Variants in DSCAM observed in about 807,000 individuals in gnomAD.
The protein encoded by DSCAM is DS cell adhesion molecule.
A neutral mutation model predicts 217.7 loss-of-function variants in DSCAM; 47 were observed. The ratio of observed to expected loss-of-function variants is 0.22; its 90% CI spans 0.17 to 0.28. The LOEUF (loss-of-function observed/expected upper bound fraction) is 0.28. DSCAM is among the 10% of genes least tolerant of loss of function. The pLI is 1.00. For missense variants in DSCAM, 2,080 were observed against 2,618.3 expected (o/e 0.79, Z 4.49); for synonymous variants, 1,056 against 1,015.3 (o/e 1.04, Z -0.76).
chr21:40,480,220 T>A (rs1789533721), intron 3 of DSCAM, among the ~76,000 whole-genome samples: 2 of 152,208 alleles, frequency 1.3e-5, no homozygotes, highest in Admixed American at 1.3e-4. Flanking sequence ...AGGCTCCTTT[T>A]AGAAATCTAT....
chr21:40,272,356 G>A (rs2073629989), intron 11 of DSCAM, among the ~76,000 whole-genome samples: 1 of 151,812 alleles, frequency 6.6e-6, no homozygotes, highest in Admixed American at 6.6e-5. Context: ...CCCCAACAGA[G>A]CTGGAAAGAT....
rs558038737 is a variant in DSCAM, at chr21:40,437,023, A to G, written c.509-67778T>C. ...AAATAGTGTGTTACACTTACTGCAG[A>G]TATGCCACATACCTATAATCAGATG... On this transcript the variant is annotated intron_variant, in intron 3 of 32. Transcript: ENST00000400454. Among the ~76,000 whole-genome samples, 3 of 152,332 alleles carry G rather than the reference A, an allele frequency of 2.0e-5. No individual in the cohort carries two copies. In the East Asian group the frequency reaches 5.8e-4, roughly 29 times the overall value.
Position 40,577,277 on chromosome 21 carries a change from G to C in DSCAM, c.508+115533C>G, listed in dbSNP as rs552258254. On this transcript the variant is annotated intron_variant, in intron 3 of 32. Transcript: ENST00000400454. Reference sequence around the variant, plus strand: ...AAAAAAGAGTCCTTTATTAGCCGGCGACCAGGCCGCTTCCCTCTTACCAGA... The same window carrying C: ...AAAAAAGAGTCCTTTATTAGCCGGCCACCAGGCCGCTTCCCTCTTACCAGA... Among the ~76,000 whole-genome samples the C allele has an allele frequency of 4.0e-5, 6 of 148,936 alleles. No homozygotes were observed. The South Asian group carries it at 8.6e-4, about 21-fold the overall frequency.
intron 11 of DSCAM, among the ~76,000 whole-genome samples, chr21:40,203,374 C>T (rs1292865641): frequency 6.6e-6 from 1 of 152,248 alleles, no homozygotes; most frequent in Non-Finnish European, 1.5e-5. Flanking sequence ...CACCTGGGAA[C>T]ATGCTAGAAA....
intron 1 of DSCAM, among the ~76,000 whole-genome samples, chr21:40,757,217 G>A (rs2091285643): frequency 6.6e-6 from 1 of 151,744 alleles, no homozygotes; most frequent in Admixed American, 6.6e-5. Flanking sequence ...AGTAGAGACG[G>A]GGTTTCACCA....
intron 1 of DSCAM, among the ~76,000 whole-genome samples, chr21:40,737,571 G>A (rs541117987): frequency 9.2e-5 from 14 of 152,290 alleles, no homozygotes; most frequent in Admixed American, 5.9e-4. Flanking sequence ...AACCAAGGGG[G>A]CAAAGGTTGC....
At chr21:40,636,800 A>C in intron 3 of DSCAM, among the ~76,000 whole-genome samples, 2 of 138,744 alleles carry the variant, frequency 1.4e-5, no homozygotes, top group Admixed American at 7.6e-5. Flanking sequence ...TTCAACAACC[A>C]CTCCATAGCT....
At chr21:40,559,784 G>GGCTT (rs1568904855) in intron 3 of DSCAM, among the ~76,000 whole-genome samples, 3 of 105,572 alleles carry the variant, frequency 2.8e-5, no homozygotes, top group East Asian at 4.1e-4. Flanking sequence ...AAAATTTTCT[G>GGCTT]TCTTTTTTTT....
Position 40,634,857 on chromosome 21 carries a change from TA to T in DSCAM, c.508+57952del, listed in dbSNP as rs1601808392. Among the ~76,000 whole-genome samples the T allele has an allele frequency of 3.9e-5, 6 of 152,290 alleles. No individual in the cohort carries two copies. In the East Asian group the frequency reaches 1.2e-3, roughly 29 times the overall value. On this transcript the variant is annotated intron_variant, in intron 3 of 32. Coordinates refer to ENST00000400454, the MANE Select transcript of DSCAM (RefSeq NM_001389.5). ...TCACCAACCATCCTGTTTAAAGCAT[TA>T]AACAGCCTCAACCTACTATCACCCT...
intron 3 of DSCAM, among the ~76,000 whole-genome samples, chr21:40,396,407 T>A (rs141736700): frequency 6.6e-6 from 1 of 152,260 alleles, no homozygotes; most frequent in East Asian, 1.9e-4. Flanking sequence ...TCTACTGTAA[T>A]GGGAACGGTT....
At chr21:40,827,424 G>C (rs1306238540) in intron 1 of DSCAM, among the ~76,000 whole-genome samples, 2 of 145,004 alleles carry the variant, frequency 1.4e-5, no homozygotes, top group African/African-American at 5.1e-5. Flanking sequence ...AACTGTGATT[G>C]TGCCACTGCA....
chr21:40,598,372 G>A (rs1383283637), intron 3 of DSCAM, among the ~76,000 whole-genome samples: 2 of 151,888 alleles, frequency 1.3e-5, no homozygotes, highest in Non-Finnish European at 2.9e-5. Flanking sequence ...GTTGCCTTTA[G>A]TAAACATTCA....
chr21:40,036,213 T>C (rs1166610400), intron 32 of DSCAM, among the ~76,000 whole-genome samples: 2 of 147,086 alleles, frequency 1.4e-5, no homozygotes, highest in African/African-American at 5.3e-5. Context: ...TTCAAAAAAT[T>C]AATGAATCCA....
intron 10 of DSCAM, among the ~76,000 whole-genome samples, chr21:40,283,451 A>C (rs1216076442): frequency 6.6e-6 from 1 of 152,224 alleles, no homozygotes; most frequent in Non-Finnish European, 1.5e-5. Flanking sequence ...CACCTTTCTT[A>C]TTTATTGCAA....
chr21:40,647,092 C>T (rs2089957006), intron 3 of DSCAM, among the ~76,000 whole-genome samples: 1 of 152,194 alleles, frequency 6.6e-6, no homozygotes, highest in Non-Finnish European at 1.5e-5. Flanking sequence ...ACTGTGAGAA[C>T]AAGTTTTTCA....
At chr21:40,759,780 C>T (rs944684624) in intron 1 of DSCAM, among the ~76,000 whole-genome samples, 8 of 152,162 alleles carry the variant, frequency 5.3e-5, no homozygotes, top group African/African-American at 1.9e-4. Flanking sequence ...ATTGCACAGC[C>T]TGGGGTGCCA....
intron 1 of DSCAM, among the ~76,000 whole-genome samples, chr21:40,766,692 C>CACTT (rs1331315836): frequency 1.1e-5 from 1 of 92,604 alleles, no homozygotes; most frequent in African/African-American, 4.4e-5. Context: ...AAAAAAACAA[C>CACTT]TTTTTTTTTT....
At chr21:40,375,383 C>T (rs563294036) in intron 3 of DSCAM, among the ~76,000 whole-genome samples, 9 of 152,328 alleles carry the variant, frequency 5.9e-5, no homozygotes, top group Admixed American at 5.9e-4. Context: ...GGGCTTTGGC[C>T]ATATCTCCAA....
At chr21:40,722,980 T>G (rs2090917735) in intron 1 of DSCAM, among the ~76,000 whole-genome samples, 1 of 152,032 alleles carries the variant, frequency 6.6e-6, no homozygotes, top group Non-Finnish European at 1.5e-5. Context: ...CAATCCTAAA[T>G]GTCTATGTAC....
Sources: gnomAD v4.1 joint callset for allele counts (sites outside exome capture counted in the v4.1 genomes callset) on GRCh38, gnomAD v4.1.1 for gene constraint, MANE v1.5 for transcripts, NCBI Gene and HGNC (gene_info 2026-07-23, HGNC 2026-07-21) for gene names.